Variants in PRR23B observed in about 807,000 individuals in gnomAD.
The protein encoded by PRR23B is proline rich 23B.
For missense variants in PRR23B, 375 were observed against 371.7 expected (o/e 1.01, Z -0.07); for synonymous variants, 157 against 168.0 (o/e 0.93, Z 0.51).
chr3:139,020,904 C>T lies in PRR23B; in HGVS notation c.-243G>A. On this transcript the variant is annotated 5_prime_UTR_variant, in exon 1 of 1. Coordinates refer to ENST00000329447, the MANE Select transcript of PRR23B (RefSeq NM_001013650.2). ...CCGGGCTCAGCTTAGCTCGTTGGACCCTTGGGCCTTCCTGATGCAGACCCG... is the reference window on the plus strand; with the variant it reads ...CCGGGCTCAGCTTAGCTCGTTGGACTCTTGGGCCTTCCTGATGCAGACCCG... 2 of 529,444 alleles carry T rather than the reference C, an allele frequency of 3.8e-6. No homozygotes were observed. The highest frequency in any genetic ancestry group is 3.4e-5 in the East Asian group (1 of 29,078). The allele number at this position is 529,444 out of a possible 1,614,324, so 32.8% of individuals were successfully genotyped here.
In PRR23B at chr3:139,020,693, G is replaced by A. The variant is rs911433211; in HGVS notation, c.-32C>T. 1.4e-6 allele frequency: 2 copies of A among 1,465,208 alleles called. No individual in the cohort carries two copies. The highest frequency in any genetic ancestry group is 2.9e-5 in the African/African-American group (2 of 68,876). 90.8% of individuals were successfully genotyped at this position (1,465,208 alleles called of 1,614,324 possible). ...GACGGCGCTGTGGACGGCGCTCCTG[G>A]GCCTAGCAGCGGACGTGGGGAGCGC... On this transcript the variant is annotated 5_prime_UTR_variant, in exon 1 of 1. Transcript: ENST00000329447.
In PRR23B at chr3:139,020,542, G is replaced by A; in HGVS notation, c.120C>T (p.Arg40=). 1 of 1,556,102 alleles carries A rather than the reference G, an allele frequency of 6.4e-7. No homozygotes were observed. Among genetic ancestry groups the A allele is most frequent in the Non-Finnish European group, 8.7e-7 (1 of 1,153,948 alleles). ...RLEEPAGPEP[R]AAPSLEDPAG... ...CCGGGTCTTCCAGGCTGGGTGCCGC[G>A]CGGGGTTCGGGGCCCGCGGGCTCCT... Residue 40 remains arginine, a synonymous_variant, in exon 1 of 1, where the codon CGC becomes CGT. Transcript: ENST00000329447.
At position 139,020,215 on chromosome 3, in the gene PRR23B, G is replaced by T. The variant is rs758155815; in HGVS notation, c.447C>A (p.Ala149=). Residue 149 remains alanine (A), a synonymous_variant, in exon 1 of 1, where the codon GCC becomes GCA. Coordinates refer to ENST00000329447, the MANE Select transcript of PRR23B (RefSeq NM_001013650.2). ...CCTCCTCGTAGGCCTCTTCCTGGGC[G>T]GCGATCTCTGGGACAGATGCGCAGA... is the stretch of plus-strand genomic sequence containing the variant. ...LEFCASVPEI[A]AQEEAYEEDA... is the part of the protein sequence containing the mutation. The T allele has an allele frequency of 1.5e-5, 24 of 1,613,958 alleles. No individual in the cohort carries two copies. The South Asian group carries it at 2.3e-4, about 16-fold the overall frequency.
Position 139,019,640 on chromosome 3 carries a change from T to C in PRR23B, c.*224A>G. ...CCAGAAATCTGGACACATTTTCTGG[T>C]ATCCTTGCGCAGATTTTCTATTTAA... On this transcript the variant is annotated 3_prime_UTR_variant, in exon 1 of 1. Coordinates refer to ENST00000329447, the MANE Select transcript of PRR23B (RefSeq NM_001013650.2). The C allele has an allele frequency of 2.2e-6, 1 of 457,094 alleles. No individual in the cohort carries two copies. The highest frequency in any genetic ancestry group is 3.8e-6 in the Non-Finnish European group (1 of 263,002). 28.3% of individuals were successfully genotyped at this position (457,094 alleles called of 1,614,324 possible).
chr3:139,019,633 T>G lies in PRR23B; in HGVS notation c.*231A>C, dbSNP rs1387975244. Reference sequence around the variant, plus strand: ...AAGAAGCCCAGAAATCTGGACACATTTTCTGGTATCCTTGCGCAGATTTTC... The same window carrying G: ...AAGAAGCCCAGAAATCTGGACACATGTTCTGGTATCCTTGCGCAGATTTTC... On this transcript the variant is annotated 3_prime_UTR_variant, in exon 1 of 1. Coordinates refer to ENST00000329447, the MANE Select transcript of PRR23B (RefSeq NM_001013650.2). 2 of 444,510 alleles carry G rather than the reference T, an allele frequency of 4.5e-6. No individual in the cohort carries two copies. Among genetic ancestry groups the G allele is most frequent in the Non-Finnish European group, 3.9e-6 (1 of 254,994 alleles). The allele number at this position is 444,510 out of a possible 1,614,324, so 27.5% of individuals were successfully genotyped here. A position where few individuals can be genotyped will look rare whatever the true frequency, so the allele number is the denominator to read the frequency against.
rs1464232655 is a variant in PRR23B at position 139,019,344 on chromosome 3, G to A, written c.*520C>T. The A allele has an allele frequency of 6.6e-6, 1 of 152,290 alleles. No individual in the cohort carries two copies. The highest frequency in any genetic ancestry group is 2.4e-5 in the African/African-American group (1 of 41,442). The allele number at this position is 152,290 out of a possible 1,614,324, so 9.4% of individuals were successfully genotyped here. A position where few individuals can be genotyped will look rare whatever the true frequency, so the allele number is the denominator to read the frequency against. ...CAGGATAAGGGGTTCCTAGGAAGAA[G>A]CAACATACAGTCTTGTATAGTAAGC... is the stretch of plus-strand genomic sequence containing the variant. On this transcript the variant is annotated 3_prime_UTR_variant, in exon 1 of 1. Transcript: ENST00000329447.
chr3:139,020,126 T>TAG, the PRR23B span: 4 of 1,613,528 alleles, frequency 2.5e-6, no homozygotes, highest in Admixed American at 3.3e-5. Flanking sequence ...AGAGGAGGGG[T>TAG]AGAGCCCAGC....
At position 139,020,282 on chromosome 3, in the gene PRR23B, A is replaced by G. The variant is rs766240382; in HGVS notation, c.380T>C (p.Phe127Ser). The stretch of plus-strand genomic sequence containing the variant: ...GACGTCCTCCCTGACAGCGCCCAGG[A>G]AAACGTCCACTTCCAGCCCGGCAGA... ...DSSAGLEVDV[F>S]LGAVREDVVV... Residue 127 changes from phenylalanine to serine, a missense_variant, in exon 1 of 1, where the codon TTC becomes TCC. Transcript: ENST00000329447. 3.1e-6 allele frequency: 5 copies of G among 1,614,028 alleles called. No homozygotes were observed. Among genetic ancestry groups the G allele is most frequent in the East Asian group, 2.2e-5 (1 of 44,814 alleles).
rs571705690 is a variant in PRR23B, at chr3:139,020,623, A to C, written c.39T>G (p.Ala13=). 281 of 1,552,184 alleles carry C rather than the reference A, an allele frequency of 1.8e-4. No homozygotes were observed. Among genetic ancestry groups the C allele is most frequent in the Middle Eastern group, 6.9e-4 (3 of 4,368 alleles). ...CTCCTGGCTGCTGTCCCCACCAGGG[A>C]GCAGGGAAGGCGCTGGGGCTGCGGG... is the stretch of plus-strand genomic sequence containing the variant. ...SRPRSPSAFP[A]PWWGQQPGGP... Residue 13 remains alanine, a synonymous_variant, in exon 1 of 1, where the codon GCT becomes GCG. Coordinates refer to ENST00000329447, the MANE Select transcript of PRR23B (RefSeq NM_001013650.2).
chr3:139,020,503 G>T lies in PRR23B; in HGVS notation c.159C>A (p.Ala53=). The T allele has an allele frequency of 6.3e-7, 1 of 1,584,818 alleles. No individual in the cohort carries two copies. The highest frequency in any genetic ancestry group is 8.6e-7 in the Non-Finnish European group (1 of 1,167,380). The change falls in exon 1 of 1, where the codon GCC becomes GCA. Residue 53 remains alanine, a synonymous_variant. Coordinates refer to ENST00000329447, the MANE Select transcript of PRR23B (RefSeq NM_001013650.2). ...PSLEDPAGDP[A]VDALTSIVVL... ...CCACTATGGAGGTGAGCGCGTCCAC[G>T]GCCGGGTCCCCCGCCGGGTCTTCCA...
Position 139,020,086 on chromosome 3 carries a change from G to A in PRR23B, c.576C>T (p.Gly192=), listed in dbSNP as rs1165729310. 3 of 1,613,886 alleles carry A rather than the reference G, an allele frequency of 1.9e-6. No individual in the cohort carries two copies. The Admixed American group carries it at 5.0e-5, about 27-fold the overall frequency. ...SRSMFIPYRE[G]PIPEPCALAP... ...CCAGAGCACAGGGTTCTGGGATGGGGCCCTCCCGGTAGGGGATGAACATAC... is the reference window on the plus strand; with the variant it reads ...CCAGAGCACAGGGTTCTGGGATGGGACCCTCCCGGTAGGGGATGAACATAC... Residue 192 remains glycine (G), a synonymous_variant, in exon 1 of 1, where the codon GGC becomes GGT. Transcript: ENST00000329447.
chr3:139,019,649 G>A lies in PRR23B; in HGVS notation c.*215C>T. On this transcript the variant is annotated 3_prime_UTR_variant, in exon 1 of 1. Coordinates refer to ENST00000329447, the MANE Select transcript of PRR23B (RefSeq NM_001013650.2). ...TGGACACATTTTCTGGTATCCTTGC[G>A]CAGATTTTCTATTTAAAGATGAGGT... The A allele has an allele frequency of 2.1e-6, 1 of 470,646 alleles. No homozygotes were observed. Among genetic ancestry groups the A allele is most frequent in the East Asian group, 3.2e-5 (1 of 31,330 alleles). 29.2% of individuals were successfully genotyped at this position (470,646 alleles called of 1,614,324 possible).
Position 139,020,317 on chromosome 3 carries a change from C to G in PRR23B, c.345G>C (p.Gln115His). Residue 115 changes from glutamine to histidine, a missense_variant, in exon 1 of 1, where the codon CAG (glutamine) becomes CAC (histidine). Coordinates refer to ENST00000329447, the MANE Select transcript of PRR23B (RefSeq NM_001013650.2). ...CTTCCAGCCCGGCAGACGAGTCGTG[C>G]TGCGCTCCTGAGCGTTCGTCGACGG... ...LSSVDERSGAQHDSSAGLEVD... is the reference protein window; with the variant it reads ...LSSVDERSGAHHDSSAGLEVD... The G allele has an allele frequency of 1.2e-6, 2 of 1,614,100 alleles. No individual in the cohort carries two copies. Among genetic ancestry groups the G allele is most frequent in the South Asian group, 1.1e-5 (1 of 91,072 alleles).
At position 139,020,385 on chromosome 3, in the gene PRR23B, C is replaced by T. The variant is rs1559938537; in HGVS notation, c.277G>A (p.Gly93Ser). ...GGGATCAGGATGAGGGTGTGTCCACCGAGAGACACTCGCAGGATCGACGTT... is the reference window on the plus strand; with the variant it reads ...GGGATCAGGATGAGGGTGTGTCCACTGAGAGACACTCGCAGGATCGACGTT... Reference protein sequence around the residue: ...APTSILRVSLGGHTLILIPEV... With the variant: ...APTSILRVSLSGHTLILIPEV... Residue 93 changes from glycine (G) to serine (S), a missense_variant, in exon 1 of 1, where the codon GGT becomes AGT. Transcript: ENST00000329447. The T allele has an allele frequency of 6.2e-7, 1 of 1,613,988 alleles. No homozygotes were observed. The highest frequency in any genetic ancestry group is 1.7e-5 in the Admixed American group (1 of 60,022).
rs1217496287 is a variant in PRR23B at position 139,020,710 on chromosome 3, G to A, written c.-49C>T. On this transcript the variant is annotated 5_prime_UTR_variant, in exon 1 of 1. Transcript: ENST00000329447. ...CGCTCCTGGGCCTAGCAGCGGACGT[G>A]GGGAGCGCGGCGGTGAAGTCCTCTT... 6.9e-7 allele frequency: 1 copy of A among 1,447,440 alleles called. No individual in the cohort carries two copies. Among genetic ancestry groups the A allele is most frequent in the East Asian group, 2.6e-5 (1 of 38,036 alleles). The allele number at this position is 1,447,440 out of a possible 1,614,324, so 89.7% of individuals were successfully genotyped here.
At position 139,020,835 on chromosome 3, in the gene PRR23B, C is replaced by T. The variant is rs1936945196; in HGVS notation, c.-174G>A. ...GTCCTCGGAGCTCCCGGGGCGCCTC[C>T]TGGGGGACCGTAGTCTGGGCTGCTG... On this transcript the variant is annotated 5_prime_UTR_variant, in exon 1 of 1. Coordinates refer to ENST00000329447, the MANE Select transcript of PRR23B (RefSeq NM_001013650.2). 7.4e-6 allele frequency: 6 copies of T among 814,640 alleles called. No individual in the cohort carries two copies. In the South Asian group the frequency reaches 1.1e-4, roughly 15 times the overall value. 50.5% of individuals were successfully genotyped at this position (814,640 alleles called of 1,614,324 possible). A position where few individuals can be genotyped will look rare whatever the true frequency, so the allele number is the denominator to read the frequency against.
Position 139,019,771 on chromosome 3 carries a change from G to C in PRR23B, c.*93C>G, listed in dbSNP as rs939159823. ...CCGAACACGCGGTGCCCAATTTCCAGGTTGTTGGATACTCAATGTGAGAGA... is the reference window on the plus strand; with the variant it reads ...CCGAACACGCGGTGCCCAATTTCCACGTTGTTGGATACTCAATGTGAGAGA... On this transcript the variant is annotated 3_prime_UTR_variant, in exon 1 of 1. Transcript: ENST00000329447. 9 of 1,331,564 alleles carry C rather than the reference G, an allele frequency of 6.8e-6. No homozygotes were observed. In the Admixed American group the frequency reaches 2.0e-4, roughly 30 times the overall value. The allele number at this position is 1,331,564 out of a possible 1,614,324, so 82.5% of individuals were successfully genotyped here.
Position 139,019,701 on chromosome 3 carries a change from T to A in PRR23B, c.*163A>T. The A allele has an allele frequency of 1.5e-6, 1 of 649,678 alleles. No homozygotes were observed. Among genetic ancestry groups the A allele is most frequent in the South Asian group, 2.3e-5 (1 of 43,538 alleles). The allele number at this position is 649,678 out of a possible 1,614,324, so 40.2% of individuals were successfully genotyped here. A position where few individuals can be genotyped will look rare whatever the true frequency, so the allele number is the denominator to read the frequency against. On this transcript the variant is annotated 3_prime_UTR_variant, in exon 1 of 1. Coordinates refer to ENST00000329447, the MANE Select transcript of PRR23B (RefSeq NM_001013650.2). The stretch of plus-strand genomic sequence containing the variant: ...TAGAATATACCTTTTCTTGCTGACG[T>A]CTTCATCTCCTACTATCGGTAGTGT...
In PRR23B at chr3:139,020,175, A is replaced by G; in HGVS notation, c.487T>C (p.Phe163Leu). The G allele has an allele frequency of 6.2e-7, 1 of 1,613,824 alleles. No individual in the cohort carries two copies. Among genetic ancestry groups the G allele is most frequent in the Non-Finnish European group, 8.5e-7 (1 of 1,179,918 alleles). ...EAYEEDADPE[F>L]PELRMDSPTG... The stretch of plus-strand genomic sequence containing the variant: ...GGGGAGTCCATCCGGAGCTCCGGGA[A>G]CTCGGGGTCCGCGTCCTCCTCGTAG... The change falls in exon 1 of 1, where the codon TTC becomes CTC. Residue 163 changes from phenylalanine (F) to leucine (L), a missense_variant. Phe to Leu is a conservative substitution (Grantham distance 22). Coordinates refer to ENST00000329447, the MANE Select transcript of PRR23B (RefSeq NM_001013650.2).
Sources: gnomAD v4.1 joint callset for allele counts on GRCh38, gnomAD v4.1.1 for gene constraint, MANE v1.5 for transcripts, NCBI Gene and HGNC (gene_info 2026-07-23, HGNC 2026-07-21) for gene names.